FRMPD2: variants seen among roughly 807,000 people sequenced by gnomAD.
FRMPD2 encodes FERM and PDZ domain containing 2.
A neutral mutation model predicts 140.1 loss-of-function variants in FRMPD2; 96 were observed. That is an observed-to-expected ratio of 0.69 (90% CI 0.58 to 0.81). The LOEUF (loss-of-function observed/expected upper bound fraction) is 0.81, where lower values mean the gene tolerates loss of function less well. FRMPD2 is among the 40% of genes least tolerant of loss of function. FRMPD2 has a pLI of 0.00. For synonymous variants in FRMPD2, 449 were observed against 547.6 expected, an observed-to-expected ratio of 0.82 and a Z score of 2.52; for missense variants, 1,240 against 1,447.4, an observed-to-expected ratio of 0.86 and a Z score of 2.32.
chr10:48,251,161 G>T (rs1035533500), intron 2 of FRMPD2, among the ~76,000 whole-genome samples: 1 of 152,138 alleles, frequency 6.6e-6, no homozygotes, highest in African/African-American at 2.4e-5. Context: ...GAGTGTAGGG[G>T]TGTCCTGGGT....
At chr10:48,244,879 T>A in intron 3 of FRMPD2, 30 bp from the exon 4 acceptor site, 6 of 1,472,032 alleles carry the variant, frequency 4.1e-6, no homozygotes, top group Non-Finnish European at 4.8e-6. Flanking sequence ...ATGATTAGAT[T>A]TCAATCATCT....
chr10:48,230,931 C>T (rs980795547), intron 10 of FRMPD2, among the ~76,000 whole-genome samples: 3 of 152,202 alleles, frequency 2.0e-5, no homozygotes, highest in African/African-American at 4.8e-5. Context: ...TCTAGTGCTT[C>T]GAAATGACAA....
intron 14 of FRMPD2, among the ~76,000 whole-genome samples, chr10:48,205,846 G>C (rs1314466284): frequency 1.3e-5 from 2 of 152,030 alleles, no homozygotes; most frequent in African/African-American, 4.8e-5. Context: ...TCAAAGCCAA[G>C]ATGGAAGAAA....
intron 12 of FRMPD2, among the ~76,000 whole-genome samples, chr10:48,219,772 T>G (rs947775814): frequency 6.6e-6 from 1 of 152,320 alleles, no homozygotes; most frequent in South Asian, 2.1e-4. Context: ...TCCCTGAGGA[T>G]TATAACAGAG....
At chr10:48,192,661 G>T (rs373611937) in intron 16 of FRMPD2, 23 bp downstream of exon 16, 31 of 1,604,280 alleles carry the variant, frequency 1.9e-5, no homozygotes, top group Non-Finnish European at 2.5e-5. Context: ...TTTGGGCCCA[G>T]AGAACAAATG....
chr10:48,246,956 C>T (rs1016436494), intron 3 of FRMPD2, among the ~76,000 whole-genome samples: 1 of 152,170 alleles, frequency 6.6e-6, no homozygotes, highest in African/African-American at 2.4e-5. Flanking sequence ...CCCTTAAAGC[C>T]CACTCCACTT....
intron 10 of FRMPD2, 145 bp from the exon 11 acceptor site, chr10:48,223,415 A>G (rs1839655207): frequency 1.6e-6 from 1 of 636,840 alleles, no homozygotes; most frequent in African/African-American, 1.8e-5. Context: ...CGTACCTGGT[A>G]GCAAGGAACC....
intron 10 of FRMPD2, among the ~76,000 whole-genome samples, chr10:48,230,058 A>T (rs1354341720): frequency 6.6e-6 from 1 of 152,192 alleles, no homozygotes; most frequent in Non-Finnish European, 1.5e-5. Context: ...GATGAAAAAG[A>T]ATAATGGGTT....
At chr10:48,218,837 G>T (rs1474641666) in intron 12 of FRMPD2, among the ~76,000 whole-genome samples, 1 of 152,236 alleles carries the variant, frequency 6.6e-6, no homozygotes, top group Non-Finnish European at 1.5e-5. Context: ...GAGTGATTGG[G>T]CTGGAAGCTT....
chr10:48,187,370 A>T (rs1838714904), intron 16 of FRMPD2, 78 bp from the exon 17 acceptor site: 29 of 1,257,038 alleles, frequency 2.3e-5, no homozygotes, highest in Non-Finnish European at 3.3e-5. Context: ...TGGCTCAGGG[A>T]GGCAACTTCT....
intron 15 of FRMPD2, among the ~76,000 whole-genome samples, chr10:48,197,580 G>C (rs1838981840): frequency 6.6e-6 from 1 of 152,174 alleles, no homozygotes; most frequent in African/African-American, 2.4e-5. Flanking sequence ...AGATGGTCTG[G>C]AGTGGGGACT....
Position 48,244,761 on chromosome 10 carries a change from C to CT in FRMPD2, c.375+22dup. 2.5e-6 allele frequency: 4 copies of CT among 1,591,576 alleles called. No homozygotes were observed. The Admixed American group carries it at 5.0e-5, about 20-fold the overall frequency. On this transcript the variant is annotated intron_variant, in intron 4 of 28. Transcript: ENST00000374201. ...AACCCAGAGACACAGCCCGGCAAGA[C>CT]TTGGAGTATCTTGTTTACAAACCTG...
intron 9 of FRMPD2, among the ~76,000 whole-genome samples, chr10:48,234,442 G>A (rs1171853987): frequency 1.3e-5 from 2 of 152,118 alleles, no homozygotes; most frequent in Admixed American, 6.5e-5. Context: ...TGCTGTAAGG[G>A]GAATCTGTTT....
chr10:48,196,749 A>G (rs556204610), intron 15 of FRMPD2, among the ~76,000 whole-genome samples: 1 of 152,204 alleles, frequency 6.6e-6, no homozygotes, highest in Non-Finnish European at 1.5e-5. Flanking sequence ...AAAATGAAGA[A>G]ATATTTTAAA....
chr10:48,227,037 G>T (rs1406790190), intron 10 of FRMPD2, among the ~76,000 whole-genome samples: 2 of 152,144 alleles, frequency 1.3e-5, no homozygotes, highest in African/African-American at 2.4e-5. Flanking sequence ...TGCAAAAGGT[G>T]GGGGGATTCT....
intron 1 of FRMPD2, among the ~76,000 whole-genome samples, chr10:48,254,994 G>T (rs1196231091): frequency 6.6e-6 from 1 of 152,208 alleles, no homozygotes; most frequent in Non-Finnish European, 1.5e-5. Flanking sequence ...CTGAAAAGGG[G>T]ATCATTAACT....
intron 14 of FRMPD2, among the ~76,000 whole-genome samples, chr10:48,203,609 T>C (rs957308197): frequency 3.9e-5 from 6 of 152,184 alleles, no homozygotes; most frequent in African/African-American, 1.4e-4. Flanking sequence ...TTTTCATCCC[T>C]AGGAGTTCTT....
At chr10:48,204,748 A>G (rs1187855196) in intron 14 of FRMPD2, among the ~76,000 whole-genome samples, 2 of 152,076 alleles carry the variant, frequency 1.3e-5, no homozygotes, top group African/African-American at 4.8e-5. Context: ...ATTCTTTTTC[A>G]TAAAGAGGGC....
Position 48,206,835 on chromosome 10 carries a change from C to A in FRMPD2, c.1710G>T (p.Lys570Asn), listed in dbSNP as rs146294319. ...EEEMALGICA[K>N]GVIVYEVKNN... ...TTTTCACTTCATAGACTATGACACC[C>A]TTGGCACAGATCCCCAGGGCCATCT... The change falls in exon 14 of 29, where the codon AAG becomes AAT. Residue 570 changes from lysine to asparagine, a missense_variant. Coordinates refer to ENST00000374201, the MANE Select transcript of FRMPD2 (RefSeq NM_001018071.4). The A allele has an allele frequency of 1.6e-5, 26 of 1,613,990 alleles. No homozygotes were observed. The highest frequency in any genetic ancestry group is 2.0e-5 in the Non-Finnish European group (24 of 1,179,952).
Sources: gnomAD v4.1 joint callset for allele counts (sites outside exome capture counted in the v4.1 genomes callset) on GRCh38, gnomAD v4.1.1 for gene constraint, MANE v1.5 for transcripts, NCBI Gene and HGNC (gene_info 2026-07-23, HGNC 2026-07-21) for gene names.